The following PFDN6 variants were observed in gnomAD, a reference collection of about 807,000 sequenced individuals.
The protein encoded by PFDN6 is HLA class II region expressed gene KE2.
Under a neutral mutation model 19.3 loss-of-function variants are expected in PFDN6, and 5 were observed. That is an observed-to-expected ratio of 0.26 (90% CI 0.14 to 0.55). The LOEUF is 0.55. Ranked by LOEUF, PFDN6 falls within the 20% of genes least tolerant of loss-of-function variation. PFDN6 has a pLI of 0.94. For synonymous variants in PFDN6, 51 were observed against 63.4 expected, an observed-to-expected ratio of 0.80 and a Z score of 0.93; for missense variants, 101 against 149.4, an observed-to-expected ratio of 0.68 and a Z score of 1.69.
rs751007526 is a variant in PFDN6, at chr6:33,289,842, G to A, written c.-15G>A. 1 of 1,584,516 alleles carries A rather than the reference G, an allele frequency of 6.3e-7. No individual in the cohort carries two copies. Among genetic ancestry groups the A allele is most frequent in the South Asian group, 1.2e-5 (1 of 86,598 alleles). On this transcript the variant is annotated 5_prime_UTR_variant, in exon 1 of 4. Transcript: ENST00000374606. ...AGCGCCCTTGTCTCGCACCCAGTAG[G>A]CTTTCATCCCCGCCATGGCGGAGCT...
chr6:33,289,970 A>G, intron 1 of PFDN6, 50 bp downstream of exon 1: 3 of 1,519,720 alleles, frequency 2.0e-6, no homozygotes, highest in Non-Finnish European at 2.7e-6. Flanking sequence ...TACAACCCAA[A>G]GCCATTACCG....
In PFDN6 at chr6:33,290,160, C is replaced by T. The variant is rs2150920280; in HGVS notation, c.65-14C>T. 2 of 1,613,884 alleles carry T rather than the reference C, an allele frequency of 1.2e-6. No individual in the cohort carries two copies. The highest frequency in any genetic ancestry group is 1.7e-6 in the Non-Finnish European group (2 of 1,179,772). ...CATTTGATGTTTCTAAATTGCCTTT[C>T]CTCTCATCCCCAGACTTAAGTAAAT... On this transcript the variant is annotated splice_polypyrimidine_tract_variant and intron_variant, in intron 1 of 3. Coordinates refer to ENST00000374606, the MANE Select transcript of PFDN6 (RefSeq NM_001185181.3).
chr6:33,289,353 C>T (rs1767066039), upstream of PFDN6: 1 of 1,342,108 alleles, frequency 7.5e-7, no homozygotes, highest in East Asian at 2.8e-5. Flanking sequence ...TTTTTGGCAC[C>T]TTATCGCGAG....
At chr6:33,290,545 G>A (rs556819880) in intron 3 of PFDN6, 95 bp downstream of exon 3, 1 of 1,485,502 alleles carries the variant, frequency 6.7e-7, no homozygotes, top group Admixed American at 2.1e-5. Flanking sequence ...GCTCTCCATA[G>A]TGGCCCCTAG....
At chr6:33,289,428 G>A (rs1767075160), upstream of PFDN6, 6 of 1,298,186 alleles carry the variant, frequency 4.6e-6, no homozygotes, top group Non-Finnish European at 5.9e-6. Flanking sequence ...CTAAGTAGCG[G>A]TGCGGTTTCT....
upstream of PFDN6, chr6:33,289,501 T>G: frequency 8.3e-7 from 1 of 1,200,210 alleles, no homozygotes; most frequent in South Asian, 3.1e-5. Flanking sequence ...TTAGCAGAAC[T>G]CCACTCCCTA....
At position 33,289,988 on chromosome 6, in the gene PFDN6, G is replaced by A. The variant is rs545225342; in HGVS notation, c.64+68G>A. The A allele has an allele frequency of 7.6e-5, 112 of 1,474,614 alleles. No individual in the cohort carries two copies. The South Asian group carries it at 1.4e-3, about 18-fold the overall frequency. 91.3% of individuals were successfully genotyped at this position (1,474,614 alleles called of 1,614,324 possible). ...AACCCAAAGCCATTACCGAGATAAG[G>A]TTTGTTGCCCCATCTGGGCCCTCGC... On this transcript the variant is annotated intron_variant, in intron 1 of 3. Transcript: ENST00000374606.
chr6:33,290,824 A>AG lies in PFDN6; in HGVS notation c.373dup (p.Ala125GlyfsTer23). The stretch of plus-strand genomic sequence containing the variant: ...TCCAGCGGGCCCAGGCAGCAAAGGC[A>AG]GGGGCTCCTGGCAAGGCCTGACCCC... On this transcript the variant is annotated frameshift_variant, in exon 4 of 4. Transcript: ENST00000374606. LOFTEE classifies it high-confidence loss of function. 6.6e-7 allele frequency: 1 copy of AG among 1,525,240 alleles called. No individual in the cohort carries two copies. Among genetic ancestry groups the AG allele is most frequent in the Non-Finnish European group, 8.8e-7 (1 of 1,130,356 alleles). 94.5% of individuals were successfully genotyped at this position (1,525,240 alleles called of 1,614,324 possible). A position where few individuals can be genotyped will look rare whatever the true frequency, so the allele number is the denominator to read the frequency against.
At position 33,289,614 on chromosome 6, in the gene PFDN6, G is replaced by A. The variant is rs1767100811; in HGVS notation, c.-243G>A. The A allele has an allele frequency of 1.7e-6, 1 of 598,188 alleles. No homozygotes were observed. The highest frequency in any genetic ancestry group is 2.6e-6 in the Non-Finnish European group (1 of 389,460). The allele number at this position is 598,188 out of a possible 1,614,324, so 37.1% of individuals were successfully genotyped here. On this transcript the variant is annotated 5_prime_UTR_variant, in exon 1 of 4. Coordinates refer to ENST00000374606, the MANE Select transcript of PFDN6 (RefSeq NM_001185181.3). ...ACTTCCGGGTTTATTACTACTGAAGGAAGAACGTGAGTAGGTTAGGATTTC... is the reference window on the plus strand; with the variant it reads ...ACTTCCGGGTTTATTACTACTGAAGAAAGAACGTGAGTAGGTTAGGATTTC...
Position 33,290,304 on chromosome 6 carries a change from A to G in PFDN6, c.136-22A>G, listed in dbSNP as rs566658142. On this transcript the variant is annotated intron_variant, in intron 2 of 3. Transcript: ENST00000374606. ...CTGTACTAGCCATGGTTCTGATCAC[A>G]TATGTCCCATCCCTCCATCAGGAAC... 3.2e-5 allele frequency: 51 copies of G among 1,612,048 alleles called. No individual in the cohort carries two copies. In the South Asian group the frequency reaches 4.7e-4, roughly 15 times the overall value.
chr6:33,290,152 T>C (rs754574270), intron 1 of PFDN6, 22 bp from the exon 2 acceptor site: 1 of 1,612,972 alleles, frequency 6.2e-7, no homozygotes, highest in African/African-American at 1.3e-5. Context: ...TGTTTCTAAA[T>C]TGCCTTTCCT....
At position 33,290,755 on chromosome 6, in the gene PFDN6, G is replaced by A. The variant is rs746221141; in HGVS notation, c.300G>A (p.Gln100=). The change falls in exon 4 of 4, where the codon CAG becomes CAA. Residue 100 remains glutamine (Q), a synonymous_variant. Transcript: ENST00000374606. ...YESQLRDLER[Q]SEQQRETLAQ... ...CCCAGCTTCGGGATCTTGAGCGGCA[G>A]TCAGAGCAACAGAGGGAGACCCTTG... is the stretch of plus-strand genomic sequence containing the variant. 1.5e-5 allele frequency: 24 copies of A among 1,612,054 alleles called. No individual in the cohort carries two copies. Among genetic ancestry groups the A allele is most frequent in the Non-Finnish European group, 1.9e-5 (23 of 1,179,992 alleles).
rs768608531 is a variant in PFDN6 at position 33,289,904 on chromosome 6, T to C, written c.48T>C (p.Tyr16=). 6 of 1,609,076 alleles carry C rather than the reference T, an allele frequency of 3.7e-6. No individual in the cohort carries two copies. The highest frequency in any genetic ancestry group is 2.2e-5 in the South Asian group (2 of 90,298). The change falls in exon 1 of 4, where the codon TAT becomes TAC. Residue 16 remains tyrosine, a synonymous_variant. Coordinates refer to ENST00000374606, the MANE Select transcript of PFDN6 (RefSeq NM_001185181.3). ...AGCTACAGGGAGAAGTGGAGAAATA[T>C]CAACAGCTACAGAAGGGTAAGGGAA... The part of the protein sequence containing the change: ...QKKLQGEVEK[Y]QQLQKDLSKS...
At chr6:33,290,012 G>A in intron 1 of PFDN6, 92 bp downstream of exon 1, 1 of 1,342,038 alleles carries the variant, frequency 7.5e-7, no homozygotes, top group Non-Finnish European at 1.0e-6. Flanking sequence ...CTGGGCCCTC[G>A]CGTGCAGAGA....
At chr6:33,289,522 A>G, upstream of PFDN6, 1 of 1,073,350 alleles carries the variant, frequency 9.3e-7, no homozygotes, top group Non-Finnish European at 1.2e-6. Flanking sequence ...AACATGTCAG[A>G]ACTACACTTC....
rs1446533954 is a variant in PFDN6, at chr6:33,289,930, C to T, written c.64+10C>T. ...CAACAGCTACAGAAGGGTAAGGGAA[C>T]AGGGTCGGTATGGTCTCGCCCAATG... On this transcript the variant is annotated intron_variant, in intron 1 of 3. Coordinates refer to ENST00000374606, the MANE Select transcript of PFDN6 (RefSeq NM_001185181.3). 1.9e-6 allele frequency: 3 copies of T among 1,602,594 alleles called. No homozygotes were observed.
In PFDN6 at chr6:33,289,712, G is replaced by A. The variant is rs974526554; in HGVS notation, c.-145G>A. 1 of 630,936 alleles carries A rather than the reference G, an allele frequency of 1.6e-6. No homozygotes were observed. Among genetic ancestry groups the A allele is most frequent in the Admixed American group, 3.6e-5 (1 of 27,784 alleles). 39.1% of individuals were successfully genotyped at this position (630,936 alleles called of 1,614,324 possible). On this transcript the variant is annotated 5_prime_UTR_variant, in exon 1 of 4. Coordinates refer to ENST00000374606, the MANE Select transcript of PFDN6 (RefSeq NM_001185181.3). Reference sequence around the variant, plus strand: ...CAGGGTGGAGTCGATATCCGGGACGGGGGGGAGGTTGCGGTGCCCCTCAGG... The same window carrying A: ...CAGGGTGGAGTCGATATCCGGGACGAGGGGGAGGTTGCGGTGCCCCTCAGG...
intron 1 of PFDN6, 110 bp from the exon 2 acceptor site, chr6:33,290,064 C>T (rs1389203357): frequency 3.0e-6 from 4 of 1,343,726 alleles, no homozygotes; most frequent in African/African-American, 1.4e-5. Flanking sequence ...GTTCACTCAC[C>T]CGCTGCCCCC....
chr6:33,290,268 C>T, intron 2 of PFDN6, 24 bp downstream of exon 2: 4 of 1,613,970 alleles, frequency 2.5e-6, no homozygotes, highest in African/African-American at 1.3e-5. Flanking sequence ...ATTTGTGGGG[C>T]GAGGAGGGAC....
Sources: gnomAD v4.1 joint callset for allele counts on GRCh38, gnomAD v4.1.1 for gene constraint, MANE v1.5 for transcripts, NCBI Gene and HGNC (gene_info 2026-07-23, HGNC 2026-07-21) for gene names.